Variants in ZNF704 observed in about 807,000 individuals in gnomAD.
The protein encoded by ZNF704 is zinc finger protein 704.
ZNF704 carries 10 observed loss-of-function variants against 44.7 expected under a neutral mutation model. The ratio of observed to expected loss-of-function variants is 0.22; its 90% CI spans 0.14 to 0.38. ZNF704 has a LOEUF of 0.38. ZNF704 is among the 10% of genes least tolerant of loss of function. The pLI is 1.00. For missense variants in ZNF704, 390 were observed against 545.5 expected, an observed-to-expected ratio of 0.71 and a Z score of 2.84; for synonymous variants, 211 against 207.6, an observed-to-expected ratio of 1.02 and a Z score of -0.14.
intron 2 of ZNF704, among the ~76,000 whole-genome samples, chr8:80,783,657 T>G (rs1807566554): frequency 1.3e-5 from 2 of 152,128 alleles, no homozygotes; most frequent in Non-Finnish European, 2.9e-5. Flanking sequence ...AGTTCCCATG[T>G]TCCCCCTTCC....
intron 4 of ZNF704, among the ~76,000 whole-genome samples, chr8:80,680,056 G>C (rs75009916): frequency 2.4e-4 from 36 of 152,070 alleles, no homozygotes; most frequent in African/African-American, 8.7e-4. Context: ...CCTCAATCCT[G>C]TTTCTAAAAA....
intron 2 of ZNF704, among the ~76,000 whole-genome samples, chr8:80,818,502 T>A (rs1808213484): frequency 1.3e-5 from 2 of 152,230 alleles, no homozygotes; most frequent in South Asian, 4.1e-4. Flanking sequence ...TCTGGTATAC[T>A]TTAAAGCAGC....
chr8:80,675,033 G>A (rs115106967), intron 4 of ZNF704, among the ~76,000 whole-genome samples: 3 of 152,138 alleles, frequency 2.0e-5, no homozygotes, highest in Admixed American at 6.5e-5. Flanking sequence ...AATATTCTAC[G>A]TTCTGGGGAT....
At chr8:80,686,272 A>C (rs1818533387) in intron 4 of ZNF704, among the ~76,000 whole-genome samples, 1 of 152,232 alleles carries the variant, frequency 6.6e-6, no homozygotes, top group Non-Finnish European at 1.5e-5. Context: ...TCCTCATAAC[A>C]AGATGGAAAT....
At chr8:80,850,720 T>C (rs567302189) in intron 1 of ZNF704, among the ~76,000 whole-genome samples, 6 of 152,320 alleles carry the variant, frequency 3.9e-5, no homozygotes, top group African/African-American at 1.4e-4. Flanking sequence ...GTAGTGACCT[T>C]TCCCTTTTTA....
chr8:80,820,110 T>C (rs535896736), intron 2 of ZNF704, among the ~76,000 whole-genome samples: 1 of 152,270 alleles, frequency 6.6e-6, no homozygotes, highest in South Asian at 2.1e-4. Context: ...AAATAAGCAA[T>C]CTCTCATGCT....
At chr8:80,779,053 C>G (rs559067376) in intron 2 of ZNF704, among the ~76,000 whole-genome samples, 10 of 152,158 alleles carry the variant, frequency 6.6e-5, no homozygotes, top group Admixed American at 6.5e-4. Context: ...AGTTATGTAT[C>G]TCTAACATCT....
chr8:80,800,476 G>A (rs7000102), intron 2 of ZNF704, among the ~76,000 whole-genome samples: 7 of 151,948 alleles, frequency 4.6e-5, no homozygotes, highest in East Asian at 1.9e-4. Flanking sequence ...AGCAGAAACC[G>A]TACAAGCCAG....
intron 1 of ZNF704, among the ~76,000 whole-genome samples, chr8:80,830,552 T>C (rs1417090257): frequency 1.3e-5 from 2 of 152,012 alleles, no homozygotes. Flanking sequence ...TGTAGTGATA[T>C]CTGTATGAGT....
intron 1 of ZNF704, among the ~76,000 whole-genome samples, chr8:80,844,468 C>CATGA (rs1465411500): frequency 5.3e-5 from 8 of 152,134 alleles, no homozygotes; most frequent in African/African-American, 1.9e-4. Flanking sequence ...CTAATCACCT[C>CATGA]CCAAAGGTCC....
At chr8:80,744,279 T>A (rs1231432536) in intron 2 of ZNF704, among the ~76,000 whole-genome samples, 1 of 151,990 alleles carries the variant, frequency 6.6e-6, no homozygotes, top group Non-Finnish European at 1.5e-5. Flanking sequence ...TCACAACATT[T>A]TATATATATA....
At chr8:80,860,045 T>C (rs957694609) in intron 1 of ZNF704, among the ~76,000 whole-genome samples, 1 of 152,174 alleles carries the variant, frequency 6.6e-6, no homozygotes, top group African/African-American at 2.4e-5. Context: ...GCAAACAAGA[T>C]TGTAAGAACG....
At chr8:80,865,543 T>A (rs555069185) in intron 1 of ZNF704, among the ~76,000 whole-genome samples, 2 of 152,340 alleles carry the variant, frequency 1.3e-5, no homozygotes, top group South Asian at 4.1e-4. Flanking sequence ...TTTTATCAGA[T>A]GGTATTTCAG....
At chr8:80,703,158 G>A (rs1303980079) in intron 2 of ZNF704, among the ~76,000 whole-genome samples, 2 of 152,048 alleles carry the variant, frequency 1.3e-5, no homozygotes, top group Non-Finnish European at 2.9e-5. Context: ...CAAGTCCTCT[G>A]CGGGGCAACT....
At chr8:80,872,104 A>G (rs1809263047) in intron 1 of ZNF704, among the ~76,000 whole-genome samples, 1 of 152,246 alleles carries the variant, frequency 6.6e-6, no homozygotes, top group African/African-American at 2.4e-5. Context: ...GTATTTCTGG[A>G]CAAAAATGCT....
At chr8:80,797,193 T>C (rs1238437585) in intron 2 of ZNF704, among the ~76,000 whole-genome samples, 1 of 152,198 alleles carries the variant, frequency 6.6e-6, no homozygotes, top group African/African-American at 2.4e-5. Context: ...TCTGCCCCCA[T>C]GGCATTCCTG....
intron 2 of ZNF704, among the ~76,000 whole-genome samples, chr8:80,813,875 T>C (rs1808131941): frequency 6.6e-6 from 1 of 151,330 alleles, no homozygotes; most frequent in South Asian, 2.1e-4. Flanking sequence ...CAAGACTCTG[T>C]CTCAAAAAAA....
chr8:80,791,324 T>C (rs1316908905), intron 2 of ZNF704, among the ~76,000 whole-genome samples: 1 of 152,206 alleles, frequency 6.6e-6, no homozygotes, highest in Non-Finnish European at 1.5e-5. Flanking sequence ...AGTGTATCAC[T>C]AGCCATCCCT....
At chr8:80,842,454 T>C (rs1808696038) in intron 1 of ZNF704, among the ~76,000 whole-genome samples, 2 of 152,150 alleles carry the variant, frequency 1.3e-5, no homozygotes, top group Non-Finnish European at 2.9e-5. Flanking sequence ...TCTAGCAATC[T>C]GACATGGGCC....
Sources: gnomAD v4.1 joint callset for allele counts (sites outside exome capture counted in the v4.1 genomes callset) on GRCh38, gnomAD v4.1.1 for gene constraint, MANE v1.5 for transcripts, NCBI Gene and HGNC (gene_info 2026-07-23, HGNC 2026-07-21) for gene names.